LIPC: variants seen among roughly 807,000 people sequenced by gnomAD.
The protein encoded by LIPC is hepatic triacylglycerol lipase.
Under a neutral mutation model 50.7 loss-of-function variants are expected in LIPC, and 44 were observed. The ratio of observed to expected loss-of-function variants is 0.87; its 90% CI spans 0.68 to 1.11. The LOEUF is 1.11. LIPC is among the 50% of genes most tolerant of loss of function. The pLI is 0.00. For synonymous variants in LIPC, 271 were observed against 256.4 expected, an observed-to-expected ratio of 1.06 and a Z score of -0.54; for missense variants, 697 against 648.2, an observed-to-expected ratio of 1.08 and a Z score of -0.82.
chr15:58,481,941 G>T (rs1256900696), intron 1 of LIPC, among the ~76,000 whole-genome samples: 1 of 152,212 alleles, frequency 6.6e-6, no homozygotes, highest in African/African-American at 2.4e-5. Flanking sequence ...ATGTGCACTT[G>T]TATGTGCCTA....
chr15:58,535,548 C>G (rs181090763), intron 1 of LIPC, among the ~76,000 whole-genome samples: 1 of 152,334 alleles, frequency 6.6e-6, no homozygotes, highest in East Asian at 1.9e-4. Context: ...TGGAGCGTAT[C>G]TCACAGCTAA....
chr15:58,490,482 G>C (rs1302066751), intron 1 of LIPC, among the ~76,000 whole-genome samples: 1 of 152,194 alleles, frequency 6.6e-6, no homozygotes, highest in Non-Finnish European at 1.5e-5. Flanking sequence ...GCTCCACTGA[G>C]AGCCGGCGCC....
chr15:58,479,384 T>C (rs944042154), intron 1 of LIPC, among the ~76,000 whole-genome samples: 23 of 152,242 alleles, frequency 1.5e-4, no homozygotes, highest in African/African-American at 5.1e-4. Flanking sequence ...AGCGCATTTG[T>C]CCAAACAGAA....
At chr15:58,530,442 C>G (rs1350646459) in intron 1 of LIPC, among the ~76,000 whole-genome samples, 2 of 152,256 alleles carry the variant, frequency 1.3e-5, no homozygotes, top group Non-Finnish European at 2.9e-5. Context: ...GCAGCCAGGC[C>G]CAGCCCTGAC....
At chr15:58,549,873 C>G (rs1305538307) in intron 6 of LIPC, among the ~76,000 whole-genome samples, 1 of 152,238 alleles carries the variant, frequency 6.6e-6, no homozygotes, top group African/African-American at 2.4e-5. Flanking sequence ...GGAAGTCCTC[C>G]TGCTTCGGGG....
At chr15:58,484,012 A>G (rs1253473979) in intron 1 of LIPC, among the ~76,000 whole-genome samples, 5 of 152,170 alleles carry the variant, frequency 3.3e-5, no homozygotes, top group African/African-American at 4.8e-5. Flanking sequence ...TCAGAAAATG[A>G]TGGAAATTTG....
chr15:58,524,630 T>C (rs148223905), intron 1 of LIPC, among the ~76,000 whole-genome samples: 39 of 152,328 alleles, frequency 2.6e-4, no homozygotes, highest in African/African-American at 9.4e-4. Flanking sequence ...TCTCAGTATA[T>C]ATTTACTTTG....
intron 1 of LIPC, among the ~76,000 whole-genome samples, chr15:58,457,117 A>T (rs1187873607): frequency 2.0e-5 from 3 of 152,020 alleles, no homozygotes; most frequent in Non-Finnish European, 4.4e-5. Flanking sequence ...TGATTTTTTT[A>T]TTATTTTTTG....
chr15:58,545,046 A>T (rs1009631766), intron 4 of LIPC, among the ~76,000 whole-genome samples: 2 of 152,158 alleles, frequency 1.3e-5, no homozygotes, highest in African/African-American at 4.8e-5. Flanking sequence ...TTAGGAGAAA[A>T]ATCAGCTTGT....
chr15:58,516,556 T>C (rs1193986155), intron 1 of LIPC, among the ~76,000 whole-genome samples: 1 of 152,194 alleles, frequency 6.6e-6, no homozygotes, highest in Non-Finnish European at 1.5e-5. Flanking sequence ...GGATGGTTTC[T>C]GTTGCTGTGA....
intron 1 of LIPC, among the ~76,000 whole-genome samples, chr15:58,512,088 CT>C (rs1318887293): frequency 2.0e-5 from 3 of 151,518 alleles, no homozygotes; most frequent in Non-Finnish European, 2.9e-5. Flanking sequence ...TCTATGTTTT[CT>C]TTTTTTTCTT....
chr15:58,490,622 C>A lies in LIPC; in HGVS notation c.89-47711C>A, dbSNP rs181134662. On this transcript the variant is annotated intron_variant, in intron 1 of 8. Transcript: ENST00000299022. The stretch of plus-strand genomic sequence containing the variant: ...CTGTTTTCCCCTCATAGTTTCACAA[C>A]CTCTAATCTGCCACTCTCCAGTGAA... Among the ~76,000 whole-genome samples, 1,300 of 152,302 alleles carry A rather than the reference C, an allele frequency of 8.5e-3. 17 individuals are homozygous for A. Among genetic ancestry groups the A allele is most frequent in the Middle Eastern group, 0.017 (5 of 294 alleles).
At chr15:58,468,092 CATT>C (rs1434473027) in intron 1 of LIPC, among the ~76,000 whole-genome samples, 2 of 152,182 alleles carry the variant, frequency 1.3e-5, no homozygotes, top group Admixed American at 6.5e-5. Flanking sequence ...AGTGATTACT[CATT>C]ATCCCACTCA....
intron 1 of LIPC, among the ~76,000 whole-genome samples, chr15:58,458,808 G>T (rs1381625672): frequency 1.3e-5 from 2 of 152,086 alleles, no homozygotes; most frequent in Non-Finnish European, 2.9e-5. Flanking sequence ...CCTTGATCCT[G>T]GTTTCCCAGT....
chr15:58,469,611 G>GATAGGTAA (rs201576908), intron 1 of LIPC, among the ~76,000 whole-genome samples: 17,326 of 152,222 alleles, frequency 0.11, 1,193 homozygotes, highest in Non-Finnish European at 0.17. Flanking sequence ...CCAGTCACCA[G>GATAGGTAA]GCAGATAGAC....
chr15:58,518,941 A>G (rs1415905729), intron 1 of LIPC, among the ~76,000 whole-genome samples: 2 of 145,474 alleles, frequency 1.4e-5, no homozygotes, highest in Non-Finnish European at 1.5e-5. Context: ...TTCGTCACCT[A>G]AAAAAAAAAA....
intron 1 of LIPC, chr15:58,494,995 C>A (rs570298820): frequency 7.3e-6 from 3 of 408,786 alleles, no homozygotes; most frequent in Admixed American, 2.6e-5. Flanking sequence ...ACCGTTCCAC[C>A]GGTCCTTCCC....
intron 1 of LIPC, among the ~76,000 whole-genome samples, chr15:58,451,670 A>G (rs1283560792): frequency 2.0e-5 from 3 of 152,148 alleles, no homozygotes; most frequent in Admixed American, 1.3e-4. Flanking sequence ...CCCAAACAGG[A>G]CTGATCAGGA....
At chr15:58,559,173 G>T (rs889765365) in intron 6 of LIPC, among the ~76,000 whole-genome samples, 15 of 152,182 alleles carry the variant, frequency 9.9e-5, no homozygotes, top group Admixed American at 8.5e-4. Context: ...TACAAGGGAT[G>T]GATAGTCAAG....
Sources: gnomAD v4.1 joint callset for allele counts (sites outside exome capture counted in the v4.1 genomes callset) on GRCh38, gnomAD v4.1.1 for gene constraint, MANE v1.5 for transcripts, NCBI Gene and HGNC (gene_info 2026-07-23, HGNC 2026-07-21) for gene names.